PAK5: variants seen among roughly 807,000 people sequenced by gnomAD.
PAK5 encodes the protein serine/threonine-protein kinase PAK 5.
A neutral mutation model predicts 65.9 loss-of-function variants in PAK5; 16 were observed. That is an observed-to-expected ratio of 0.24 (90% confidence interval 0.16 to 0.37). PAK5 has a LOEUF of 0.37. PAK5 is among the 10% of genes least tolerant of loss of function. The pLI is 1.00. For synonymous variants in PAK5, 371 were observed against 354.9 expected (o/e 1.05, Z -0.51); for missense variants, 785 against 903.9 (o/e 0.87, Z 1.69).
chr20:9,734,673 T>C (rs778892718), intron 1 of PAK5, among the ~76,000 whole-genome samples: 11 of 152,204 alleles, frequency 7.2e-5, no homozygotes, highest in Non-Finnish European at 1.5e-4. Flanking sequence ...AAATGTCTGA[T>C]GCTTTCAGAA....
chr20:9,634,485 A>G (rs2046960451), intron 3 of PAK5, among the ~76,000 whole-genome samples: 1 of 152,224 alleles, frequency 6.6e-6, no homozygotes, highest in Non-Finnish European at 1.5e-5. Context: ...AAAACCCTGC[A>G]AAACACTAAT....
chr20:9,572,845 C>G (rs533183203), intron 4 of PAK5, among the ~76,000 whole-genome samples: 1 of 152,092 alleles, frequency 6.6e-6, no homozygotes, highest in Non-Finnish European at 1.5e-5. Context: ...ATTTTGTGAA[C>G]GAGTAACTCC....
In PAK5 at chr20:9,766,544, T is replaced by TATATATAC. The variant is rs1569079436; in HGVS notation, c.-161-55110_-161-55109insGTATATAT. Among the ~76,000 whole-genome samples the TATATATAC allele has an allele frequency of 6.7e-4, 54 of 80,946 alleles. 14 individuals are homozygous for TATATATAC. In the East Asian group the frequency reaches 0.012, roughly 18 times the overall value. 53.1% of individuals were successfully genotyped at this position (80,946 alleles called of 152,430 possible). A position where few individuals can be genotyped will look rare whatever the true frequency, so the allele number is the denominator to read the frequency against. On this transcript the variant is annotated intron_variant, in intron 1 of 9. Coordinates refer to ENST00000353224, the MANE Select transcript of PAK5 (RefSeq NM_177990.4). The stretch of plus-strand genomic sequence containing the variant: ...CAGAATATATATATATATATATATA[T>TATATATAC]ATATATTTTCAAGCAGAATGGACAA...
intron 3 of PAK5, among the ~76,000 whole-genome samples, chr20:9,598,056 T>A (rs1308492744): frequency 6.6e-6 from 1 of 152,220 alleles, no homozygotes; most frequent in African/African-American, 2.4e-5. Flanking sequence ...TATCAATCTC[T>A]CACCTAGGTA....
chr20:9,787,293 T>C (rs1347741916), intron 1 of PAK5, among the ~76,000 whole-genome samples: 1 of 152,116 alleles, frequency 6.6e-6, no homozygotes, highest in Admixed American at 6.6e-5. Context: ...CTATTCCAGC[T>C]CCAGTAGTAC....
chr20:9,709,993 T>C (rs2048058987), intron 2 of PAK5, among the ~76,000 whole-genome samples: 1 of 152,230 alleles, frequency 6.6e-6, no homozygotes, highest in African/African-American at 2.4e-5. Context: ...TGAATCCATA[T>C]ATTCTCATCT....
chr20:9,768,837 T>C (rs1433205711), intron 1 of PAK5, among the ~76,000 whole-genome samples: 1 of 69,192 alleles, frequency 1.4e-5, no homozygotes. Context: ...AAAAAAACCA[T>C]AAAGAAAACT....
At chr20:9,687,097 G>A (rs2047729233) in intron 2 of PAK5, among the ~76,000 whole-genome samples, 1 of 152,172 alleles carries the variant, frequency 6.6e-6, no homozygotes, top group Non-Finnish European at 1.5e-5. Flanking sequence ...GACTGTGTTA[G>A]TTCACTGAAA....
chr20:9,808,190 T>C (rs1307075589), intron 1 of PAK5, among the ~76,000 whole-genome samples: 1 of 152,142 alleles, frequency 6.6e-6, no homozygotes, highest in African/African-American at 2.4e-5. Flanking sequence ...GTGCAGGTTA[T>C]AAATAATATA....
intron 1 of PAK5, among the ~76,000 whole-genome samples, chr20:9,746,991 G>A (rs8120342): frequency 0.018 from 2,784 of 152,076 alleles, 73 homozygotes; most frequent in African/African-American, 0.061. Flanking sequence ...AATAAAAAAT[G>A]GTAAAGGGGA....
intron 2 of PAK5, among the ~76,000 whole-genome samples, chr20:9,644,998 AC>A (rs1422591929): frequency 3.9e-5 from 6 of 152,358 alleles, no homozygotes; most frequent in African/African-American, 1.4e-4. Context: ...ATATATGCAT[AC>A]ATGAAAAATG....
intron 3 of PAK5, among the ~76,000 whole-genome samples, chr20:9,641,365 G>T (rs559544576): frequency 4.0e-4 from 60 of 149,848 alleles, no homozygotes; most frequent in Non-Finnish European, 8.0e-4. Context: ...ACAGAGTGTC[G>T]ACTGGTGCAC....
At chr20:9,720,844 G>A (rs1192371233) in intron 1 of PAK5, among the ~76,000 whole-genome samples, 1 of 152,000 alleles carries the variant, frequency 6.6e-6, no homozygotes, top group Non-Finnish European at 1.5e-5. Context: ...AAAGAAGGCA[G>A]GCACAAAAAG....
At chr20:9,645,291 C>T (rs1336098294) in intron 2 of PAK5, among the ~76,000 whole-genome samples, 1 of 152,158 alleles carries the variant, frequency 6.6e-6, no homozygotes, top group African/African-American at 2.4e-5. Flanking sequence ...AGCCAGTGAC[C>T]AGAATACCTC....
In PAK5 at chr20:9,634,724, G is replaced by GC. The variant is rs576960180; in HGVS notation, c.204+9400_204+9401insG. ...TGGTTTTGGATTTCTTCTTTTATTT[G>GC]GAAACAAGATTACCTTGCCCACATC... is the stretch of plus-strand genomic sequence containing the variant. On this transcript the variant is annotated intron_variant, in intron 3 of 9. Coordinates refer to ENST00000353224, the MANE Select transcript of PAK5 (RefSeq NM_177990.4). 1.1e-3 allele frequency among the ~76,000 whole-genome samples: 170 copies of GC among 152,102 alleles called. 1 individual carries two copies. The highest frequency in any genetic ancestry group is 3.9e-3 in the African/African-American group (163 of 41,498).
intron 1 of PAK5, among the ~76,000 whole-genome samples, chr20:9,833,337 T>C (rs1978874856): frequency 6.6e-6 from 1 of 152,184 alleles, no homozygotes; most frequent in Non-Finnish European, 1.5e-5. Context: ...CAGTACTACA[T>C]TGCTATAATG....
chr20:9,712,270 T>C (rs1192501472), intron 1 of PAK5, among the ~76,000 whole-genome samples: 1 of 152,204 alleles, frequency 6.6e-6, no homozygotes, highest in Non-Finnish European at 1.5e-5. Flanking sequence ...ATCACAGTTA[T>C]ATGCGGATTA....
chr20:9,552,787 T>A (rs1335330910), intron 7 of PAK5, among the ~76,000 whole-genome samples: 1 of 151,826 alleles, frequency 6.6e-6, no homozygotes, highest in East Asian at 1.9e-4. Context: ...AGTGGTATGA[T>A]CTTGGCTCAC....
At chr20:9,753,038 G>A (rs2048594148) in intron 1 of PAK5, among the ~76,000 whole-genome samples, 1 of 152,104 alleles carries the variant, frequency 6.6e-6, no homozygotes, top group Non-Finnish European at 1.5e-5. Context: ...AGCCATCCTA[G>A]AAGAGGGCAA....
Sources: allele counts gnomAD v4.1 joint callset (sites outside exome capture counted in the v4.1 genomes callset), GRCh38; gene constraint gnomAD v4.1.1; transcripts MANE v1.5; gene names NCBI Gene and HGNC (gene_info 2026-07-23, HGNC 2026-07-21).